Variants in UBR2 observed in about 807,000 individuals in gnomAD.
UBR2 encodes the protein ubiquitin protein ligase E3 component n-recognin 2.
UBR2 carries 92 observed loss-of-function variants against 247.9 expected under a neutral mutation model. The observed-to-expected ratio is 0.37, with a 90% confidence interval of 0.31 to 0.44. The LOEUF (loss-of-function observed/expected upper bound fraction) is 0.44, where lower values mean the gene tolerates loss of function less well. Among genes scored for constraint, UBR2 ranks in the 20% least tolerant of loss-of-function variants. The pLI is 1.00. For missense variants in UBR2, 1,613 were observed against 2,112.6 expected (o/e 0.76, Z 4.64); for synonymous variants, 672 against 693.5 (o/e 0.97, Z 0.49).
chr6:42,641,088 G>T (rs1459489576), intron 16 of UBR2, among the ~76,000 whole-genome samples: 1 of 152,128 alleles, frequency 6.6e-6, no homozygotes, highest in Non-Finnish European at 1.5e-5. Flanking sequence ...CATTAGATTG[G>T]TGTTGACCAT....
chr6:42,586,230 G>A (rs1178243803), intron 2 of UBR2, among the ~76,000 whole-genome samples: 1 of 151,798 alleles, frequency 6.6e-6, no homozygotes, highest in Non-Finnish European at 1.5e-5. Context: ...AAAATTAGCT[G>A]GACATAGTGG....
At position 42,676,061 on chromosome 6, in the gene UBR2, C is replaced by T. The variant is rs1211693392; in HGVS notation, c.4257C>T (p.Gly1419=). 1.2e-6 allele frequency: 2 copies of T among 1,610,982 alleles called. No homozygotes were observed. Among genetic ancestry groups the T allele is most frequent in the Admixed American group, 1.7e-5 (1 of 59,184 alleles). Residue 1419 remains glycine, a synonymous_variant, in exon 39 of 47, where the codon GGC becomes GGT. Transcript: ENST00000372901. The part of the protein sequence containing the change: ...LDIDMFHLLV[G]LVLAFPALQC... The stretch of plus-strand genomic sequence containing the variant: ...GTCCTGTGTTTGGTGCCTAGGTGGG[C>T]TTGGTGCTTGCATTTCCTGCGTTGC...
intron 22 of UBR2, among the ~76,000 whole-genome samples, chr6:42,649,781 C>T (rs967471923): frequency 7.5e-6 from 1 of 132,660 alleles, no homozygotes; most frequent in Admixed American, 8.1e-5. Flanking sequence ...TTATTTAATA[C>T]ATCACAGTAC....
rs548319344 is a variant in UBR2, at chr6:42,655,244, A to G, written c.2770-377A>G. ...TTTAATCCCAGCACTTTGGGAGGCCAAGGTGGGCGGATCACTTGAGGTCAG... is the reference window on the plus strand; with the variant it reads ...TTTAATCCCAGCACTTTGGGAGGCCGAGGTGGGCGGATCACTTGAGGTCAG... On this transcript the variant is annotated intron_variant, in intron 25 of 46. Coordinates refer to ENST00000372901, the MANE Select transcript of UBR2 (RefSeq NM_001363705.2). 5.4e-4 allele frequency among the ~76,000 whole-genome samples: 82 copies of G among 152,130 alleles called. 1 individual carries two copies. Among genetic ancestry groups the G allele is most frequent in the Non-Finnish European group, 9.9e-4 (67 of 68,006 alleles).
rs575493541 is a variant in UBR2, at chr6:42,570,681, T to G, written c.79-3053T>G. On this transcript the variant is annotated intron_variant, in intron 1 of 46. Transcript: ENST00000372901. Reference sequence around the variant, plus strand: ...TTTATGTAAAGTGGCTAGTTTTTTTTTTGTTGTTTGTTTGTTTTTTGAGAC... The same window carrying G: ...TTTATGTAAAGTGGCTAGTTTTTTTGTTGTTGTTTGTTTGTTTTTTGAGAC... 2.2e-4 allele frequency among the ~76,000 whole-genome samples: 34 copies of G among 151,894 alleles called. No individual in the cohort carries two copies. The South Asian group carries it at 3.9e-3, about 18-fold the overall frequency.
At chr6:42,599,432 T>C (rs2151923664) in intron 4 of UBR2, among the ~76,000 whole-genome samples, 1 of 152,002 alleles carries the variant, frequency 6.6e-6, no homozygotes, top group East Asian at 1.9e-4. Context: ...AGAGAGAAAC[T>C]TGAGTTTTAG....
rs1794772249 is a variant in UBR2 at position 42,619,428 on chromosome 6, TA to T, written c.1281+1922del. ...CGTTATGAACATATATATATATATA[TA>T]TATATATATATATATATATATATAT... is the stretch of plus-strand genomic sequence containing the variant. On this transcript the variant is annotated intron_variant, in intron 11 of 46. Transcript: ENST00000372901. 31 of 16,280 alleles carry T rather than the reference TA, an allele frequency of 1.9e-3. 1 individual carries two copies. Among genetic ancestry groups the T allele is most frequent in the African/African-American group, 5.9e-3 (24 of 4,056 alleles). The allele number at this position is 16,280 out of a possible 1,614,324, so 1.0% of individuals were successfully genotyped here.
Position 42,659,714 on chromosome 6 carries a change from G to A in UBR2, c.3301G>A (p.Glu1101Lys), listed in dbSNP as rs771092273. 3 of 1,613,998 alleles carry A rather than the reference G, an allele frequency of 1.9e-6. No individual in the cohort carries two copies. In the Admixed American group the frequency reaches 5.0e-5, roughly 27 times the overall value. ...GGGCCCCGCACAAACTCAGGTTCCT[G>A]AACAAAGACAATTCGTTACATGTAT... The part of the protein sequence containing the change: ...ALGPAQTQVP[E>K]QRQFVTCILC... Residue 1101 changes from glutamate (E) to lysine (K), a missense_variant, in exon 30 of 47, where the codon GAA becomes AAA. Transcript: ENST00000372901. This position sits in a 1 kb window ranked among gnomAD's most constrained non-coding sequence, Gnocchi z 4.3.
intron 1 of UBR2, among the ~76,000 whole-genome samples, chr6:42,570,776 G>C (rs1333451698): frequency 1.3e-5 from 2 of 150,770 alleles, no homozygotes. Context: ...CTCAACCTCC[G>C]GGGCTCAGGT....
At chr6:42,681,468 A>G (rs1799047217) in intron 42 of UBR2, among the ~76,000 whole-genome samples, 1 of 152,248 alleles carries the variant, frequency 6.6e-6, no homozygotes, top group African/African-American at 2.4e-5. Context: ...GCATTTCTCC[A>G]AAGAAGATAA....
Position 42,657,090 on chromosome 6 carries a change from C to G in UBR2, c.2873-934C>G, listed in dbSNP as rs139925825. Among the ~76,000 whole-genome samples, 253 of 151,994 alleles carry G rather than the reference C, an allele frequency of 1.7e-3. 2 individuals carry two copies. The highest frequency in any genetic ancestry group is 5.7e-3 in the African/African-American group (237 of 41,460). On this transcript the variant is annotated intron_variant, in intron 26 of 46. Transcript: ENST00000372901. ...TCTCTACCAAAAATACAAAAATTAA[C>G]CGGGCATGGTGGCGGGCGCCTATAA...
intron 1 of UBR2, among the ~76,000 whole-genome samples, chr6:42,571,936 T>TA (rs1791174480): frequency 6.6e-6 from 1 of 152,120 alleles, no homozygotes; most frequent in African/African-American, 2.4e-5. Flanking sequence ...TTATAATTAC[T>TA]GAGCTTAAAG....
intron 7 of UBR2, among the ~76,000 whole-genome samples, chr6:42,611,850 T>C (rs1303254653): frequency 6.7e-6 from 1 of 148,522 alleles, no homozygotes; most frequent in African/African-American, 2.5e-5. Flanking sequence ...GAGGTTGCGG[T>C]GAGCCGAGAT....
chr6:42,615,907 A>G (rs1284801494), intron 9 of UBR2, 95 bp from the exon 10 acceptor site: 3 of 976,096 alleles, frequency 3.1e-6, no homozygotes, highest in African/African-American at 1.7e-5. Flanking sequence ...TAAAAACAAA[A>G]CAAAACAAAA....
At position 42,691,302 on chromosome 6, in the gene UBR2, C is replaced by G; in HGVS notation, c.*129C>G. The G allele has an allele frequency of 7.5e-7, 1 of 1,335,040 alleles. No individual in the cohort carries two copies. 82.7% of individuals were successfully genotyped at this position (1,335,040 alleles called of 1,614,324 possible). ...ACTTTCCTTCCCAGTTTTATAGTTTCTGGTTCTGAGGACTGATGAAAATCA... is the reference window on the plus strand; with the variant it reads ...ACTTTCCTTCCCAGTTTTATAGTTTGTGGTTCTGAGGACTGATGAAAATCA... On this transcript the variant is annotated 3_prime_UTR_variant, in exon 47 of 47. Coordinates refer to ENST00000372901, the MANE Select transcript of UBR2 (RefSeq NM_001363705.2).
chr6:42,601,874 T>G (rs1793389091), intron 4 of UBR2, among the ~76,000 whole-genome samples: 1 of 132,788 alleles, frequency 7.5e-6, no homozygotes, highest in African/African-American at 2.9e-5. Flanking sequence ...CTTTTTTTTT[T>G]CTTTTTTTTT....
At position 42,666,223 on chromosome 6, in the gene UBR2, T is replaced by G. The variant is rs751817396; in HGVS notation, c.3859T>G (p.Phe1287Val). The change falls in exon 34 of 47, where the codon TTC becomes GTC. Residue 1287 changes from phenylalanine (F) to valine (V), a missense_variant. Phe to Val is a conservative substitution (Grantham distance 50). Transcript: ENST00000372901. ...GGATGAATTACAGCTCCCTGAAGGG[T>G]TCAGGCCTGATTTTCGTCCTAAGTG... Reference protein sequence around the residue: ...NVDELQLPEGFRPDFRPKIPY... With the variant: ...NVDELQLPEGVRPDFRPKIPY... 3 of 1,612,524 alleles carry G rather than the reference T, an allele frequency of 1.9e-6. No homozygotes were observed. The South Asian group carries it at 3.3e-5, about 18-fold the overall frequency.
chr6:42,684,725 T>C, intron 43 of UBR2, 69 bp from the exon 44 acceptor site: 1 of 1,208,400 alleles, frequency 8.3e-7, no homozygotes. Flanking sequence ...TATGTGCACA[T>C]GGAAGTGCCT....
At chr6:42,650,600 AT>A (rs796089253) in intron 23 of UBR2, among the ~76,000 whole-genome samples, 12 of 151,706 alleles carry the variant, frequency 7.9e-5, no homozygotes, top group Non-Finnish European at 1.3e-4. Flanking sequence ...TCTGGCTTGA[AT>A]TTTTTTTTCC....
Sources: gnomAD v4.1 joint callset for allele counts (sites outside exome capture counted in the v4.1 genomes callset) on GRCh38, gnomAD v4.1.1 for gene constraint, Gnocchi (gnomAD v3.1) non-coding constraint, MANE v1.5 for transcripts, NCBI Gene and HGNC (gene_info 2026-07-23, HGNC 2026-07-21) for gene names.